PBX3: variants seen among roughly 807,000 people sequenced by gnomAD.
PBX3 encodes the protein pre-B-cell leukemia transcription factor 3.
PBX3 carries 14 observed loss-of-function variants against 48.5 expected under a neutral mutation model. That is an observed-to-expected ratio of 0.29 (90% CI 0.19 to 0.45). The LOEUF (loss-of-function observed/expected upper bound fraction) is 0.45. PBX3 is among the 20% of genes least tolerant of loss of function. The pLI, the probability that PBX3 is intolerant of heterozygous loss-of-function variation, is 1.00. For missense variants in PBX3, 386 were observed against 546.7 expected (o/e 0.71, Z 2.93); for synonymous variants, 210 against 200.3 (o/e 1.05, Z -0.41).
chr9:125,844,956 A>G (rs1239834811), intron 2 of PBX3: 1 of 152,256 alleles, frequency 6.6e-6, no homozygotes, highest in East Asian at 1.9e-4. Context: ...CTGGCTAGCA[A>G]TAGCATATTA....
chr9:125,769,297 CA>C (rs1399111986), intron 2 of PBX3, among the ~76,000 whole-genome samples: 2 of 152,154 alleles, frequency 1.3e-5, no homozygotes, highest in Non-Finnish European at 2.9e-5. Flanking sequence ...TAAATGTCAA[CA>C]CAGTGAAAAA....
chr9:125,819,705 AGTGTTTTATATATATATAAAACTG>A (rs1371783663), intron 2 of PBX3, among the ~76,000 whole-genome samples: 1 of 152,140 alleles, frequency 6.6e-6, no homozygotes, highest in Non-Finnish European at 1.5e-5. Context: ...ATATATATCC[AGTGTTTTATATATATATAAAACTG>A]GTGTTTTATG....
At chr9:125,930,981 C>G (rs920665018) in intron 4 of PBX3, among the ~76,000 whole-genome samples, 1 of 152,080 alleles carries the variant, frequency 6.6e-6, no homozygotes, top group Non-Finnish European at 1.5e-5. Flanking sequence ...TTTTATTATT[C>G]TTTTTTCTAT....
intron 2 of PBX3, among the ~76,000 whole-genome samples, chr9:125,783,766 A>C (rs2132043149): frequency 6.6e-6 from 1 of 151,994 alleles, no homozygotes; most frequent in East Asian, 2.0e-4. Flanking sequence ...TGAGAGGCTG[A>C]GGCGGGCAGA....
intron 2 of PBX3, among the ~76,000 whole-genome samples, chr9:125,834,396 G>T (rs1274040945): frequency 2.6e-5 from 4 of 151,578 alleles, no homozygotes; most frequent in Admixed American, 6.6e-5. Flanking sequence ...ATTTTTACTT[G>T]TTTTTTTTAT....
chr9:125,850,951 A>G (rs967233648), intron 2 of PBX3, among the ~76,000 whole-genome samples: 1 of 152,068 alleles, frequency 6.6e-6, no homozygotes, highest in African/African-American at 2.4e-5. Flanking sequence ...TGGTCTTGTG[A>G]AAGACTTGGC....
intron 2 of PBX3, among the ~76,000 whole-genome samples, chr9:125,870,073 TGCACTATCTCAGCTCACTGAGACAGTA>T (rs558470240): frequency 0.032 from 4,858 of 150,326 alleles, 87 homozygotes; most frequent in Middle Eastern, 0.058. Flanking sequence ...TTGCCCAGGC[TGCACTATCTCAGCTCACTGAGACAGTA>T]GCACTATCTC....
At chr9:125,957,382 T>C (rs1401448197) in intron 5 of PBX3, among the ~76,000 whole-genome samples, 2 of 152,206 alleles carry the variant, frequency 1.3e-5, no homozygotes, top group Non-Finnish European at 2.9e-5. Context: ...TAAGAAGTAT[T>C]GGGACTAGCA....
At chr9:125,916,552 T>C (rs1443183057) in intron 3 of PBX3, among the ~76,000 whole-genome samples, 3 of 152,224 alleles carry the variant, frequency 2.0e-5, no homozygotes, top group Non-Finnish European at 4.4e-5. Context: ...TCAGCAATTA[T>C]ATTAACCATA....
chr9:125,948,561 A>G (rs1226834045), intron 5 of PBX3, among the ~76,000 whole-genome samples: 2 of 152,188 alleles, frequency 1.3e-5, no homozygotes, highest in Non-Finnish European at 2.9e-5. Flanking sequence ...GTGAAACGAT[A>G]ACATACCAAA....
intron 2 of PBX3, among the ~76,000 whole-genome samples, chr9:125,886,775 A>G (rs1001866991): frequency 6.7e-6 from 1 of 150,298 alleles, no homozygotes. Flanking sequence ...TCAAGTATTG[A>G]GATAGTGACT....
intron 2 of PBX3, among the ~76,000 whole-genome samples, chr9:125,801,272 C>T (rs752452064): frequency 1.6e-4 from 24 of 152,102 alleles, no homozygotes; most frequent in Admixed American, 2.6e-4. Flanking sequence ...AATTTTCTGC[C>T]GGGCTTCAGG....
At chr9:125,883,452 C>CT (rs1840427165) in intron 2 of PBX3, among the ~76,000 whole-genome samples, 1 of 152,136 alleles carries the variant, frequency 6.6e-6, no homozygotes, top group Non-Finnish European at 1.5e-5. Flanking sequence ...GTCAGTGGTA[C>CT]TTTTTTTCAT....
At chr9:125,880,092 G>A (rs992840095) in intron 2 of PBX3, among the ~76,000 whole-genome samples, 5 of 152,060 alleles carry the variant, frequency 3.3e-5, no homozygotes, top group Non-Finnish European at 7.4e-5. Flanking sequence ...TTGCCCAGGC[G>A]GGAGTACAGT....
At chr9:125,775,547 C>T (rs768878464) in intron 2 of PBX3, among the ~76,000 whole-genome samples, 2 of 152,228 alleles carry the variant, frequency 1.3e-5, no homozygotes, top group African/African-American at 2.4e-5. Context: ...AAAAATAAAT[C>T]GATTATAGAT....
At chr9:125,945,117 A>G (rs572794466) in intron 5 of PBX3, among the ~76,000 whole-genome samples, 1 of 151,996 alleles carries the variant, frequency 6.6e-6, no homozygotes, top group African/African-American at 2.4e-5. Flanking sequence ...CTAGCTACTC[A>G]GGAGGCTGAG....
intron 2 of PBX3, among the ~76,000 whole-genome samples, chr9:125,876,042 C>T (rs1420148911): frequency 6.6e-6 from 1 of 152,194 alleles, no homozygotes; most frequent in Non-Finnish European, 1.5e-5. Flanking sequence ...TTCTGCCTTA[C>T]AGTTCAATAA....
Position 125,747,625 on chromosome 9 carries a change from G to C in PBX3, c.172G>C (p.Asp58His). 6.9e-6 allele frequency: 11 copies of C among 1,597,586 alleles called. No homozygotes were observed. Among genetic ancestry groups the C allele is most frequent in the Non-Finnish European group, 9.4e-6 (11 of 1,172,406 alleles). Residue 58 changes from aspartate to histidine, a missense_variant, in exon 1 of 9, where the codon GAC becomes CAC. Asp to His is a moderately conservative substitution (Grantham distance 81). Transcript: ENST00000373489. ...DILHQIMTITDQSLDEAQAKK... is the reference protein window; with the variant it reads ...DILHQIMTITHQSLDEAQAKK... ...CCTCCACCAGATCATGACCATCACC[G>C]ACCAGAGCTTGGACGAGGCGCAAGC... is the stretch of plus-strand genomic sequence containing the variant.
At chr9:125,748,673 C>A (rs1332058413) in intron 2 of PBX3, 50 bp downstream of exon 2, 1 of 1,422,794 alleles carries the variant, frequency 7.0e-7, no homozygotes, top group South Asian at 1.2e-5. Context: ...AGGTGGGGGT[C>A]GGAGCTACTC....
Sources: gnomAD v4.1 joint callset for allele counts (sites outside exome capture counted in the v4.1 genomes callset) on GRCh38, gnomAD v4.1.1 for gene constraint, MANE v1.5 for transcripts, NCBI Gene and HGNC (gene_info 2026-07-23, HGNC 2026-07-21) for gene names.